KDM6B: variants seen among roughly 807,000 people sequenced by gnomAD.
KDM6B encodes lysine-specific demethylase 6B.
Under a neutral mutation model 150.4 loss-of-function variants are expected in KDM6B, and 22 were observed. That is an observed-to-expected ratio of 0.15 (90% CI 0.10 to 0.21). KDM6B has a LOEUF of 0.21. Among genes scored for constraint, KDM6B ranks in the 10% least tolerant of loss-of-function variants. KDM6B has a pLI of 1.00. For synonymous variants in KDM6B, 1,148 were observed against 921.1 expected (o/e 1.25, Z -4.46); for missense variants, 1,984 against 2,234.3 (o/e 0.89, Z 2.26).
At position 7,848,092 on chromosome 17, in the gene KDM6B, C is replaced by A; in HGVS notation, c.1804C>A (p.Leu602Met). The change falls in exon 12 of 24, where the codon CTG (leucine) becomes ATG (methionine). Residue 602 changes from leucine (L) to methionine (M), a missense_variant. Coordinates refer to ENST00000448097, the MANE Select transcript of KDM6B (RefSeq NM_001348716.2). ...CCCCCAGGACCCACCTCTTGTACCC[C>A]TGACTCTTGCCCTGCCTCCAGCCCC... ...QNPQDPPLVP[L>M]TLALPPAPPS... 1 of 1,612,940 alleles carries A rather than the reference C, an allele frequency of 6.2e-7. No individual in the cohort carries two copies. Among genetic ancestry groups the A allele is most frequent in the Non-Finnish European group, 8.5e-7 (1 of 1,179,736 alleles).
At position 7,844,880 on chromosome 17, in the gene KDM6B, G is replaced by C. The variant is rs888384888; in HGVS notation, c.-268-21G>C. 4.4e-5 allele frequency: 7 copies of C among 157,550 alleles called. No individual in the cohort carries two copies. The highest frequency in any genetic ancestry group is 7.1e-5 in the Non-Finnish European group (5 of 70,522). 9.8% of individuals were successfully genotyped at this position (157,550 alleles called of 1,614,324 possible). ...CGGCCACCGCTGCCGGGCTCACCTCGCTCCCATTGGTTCCGGCCAGGCTGT... is the reference window on the plus strand; with the variant it reads ...CGGCCACCGCTGCCGGGCTCACCTCCCTCCCATTGGTTCCGGCCAGGCTGT... On this transcript the variant is annotated intron_variant, in intron 2 of 23. Coordinates refer to ENST00000448097, the MANE Select transcript of KDM6B (RefSeq NM_001348716.2). This position sits in a 1 kb window ranked among gnomAD's most constrained non-coding sequence, Gnocchi z 5.9.
rs553761392 is a variant in KDM6B at position 7,854,091 on chromosome 17, C to T, written c.*570C>T. The T allele has an allele frequency of 2.0e-5, 3 of 151,818 alleles. No individual in the cohort carries two copies. The highest frequency in any genetic ancestry group is 2.0e-4 in the South Asian group (1 of 4,894). 9.4% of individuals were successfully genotyped at this position (151,818 alleles called of 1,614,324 possible). A position where few individuals can be genotyped will look rare whatever the true frequency, so the allele number is the denominator to read the frequency against. On this transcript the variant is annotated 3_prime_UTR_variant, in exon 24 of 24. Transcript: ENST00000448097. ...TTTTTGTTTTTAATTTATAACAGTC[C>T]CACTCACCTCTATTTATTCATTTTT... is the stretch of plus-strand genomic sequence containing the variant.
Position 7,845,990 on chromosome 17 carries a change from T to C in KDM6B, c.236+20T>C. On this transcript the variant is annotated intron_variant, in intron 6 of 23. Coordinates refer to ENST00000448097, the MANE Select transcript of KDM6B (RefSeq NM_001348716.2). ...TCCAGGGTGAGTGGATATTTGAAGG[T>C]TCTGGGAGTGGGAGGTAAGGCTGGG... The C allele has an allele frequency of 6.2e-7, 1 of 1,611,010 alleles. No homozygotes were observed. The highest frequency in any genetic ancestry group is 2.2e-5 in the East Asian group (1 of 44,834).
At chr17:7,839,447 C>T (rs1309349486) in intron 1 of KDM6B, among the ~76,000 whole-genome samples, 1 of 152,096 alleles carries the variant, frequency 6.6e-6, no homozygotes, top group Non-Finnish European at 1.5e-5. Flanking sequence ...CTGCACCCGC[C>T]TGGGGGAAGA....
Position 7,851,357 on chromosome 17 carries a change from T to C in KDM6B, c.3907T>C (p.Ser1303Pro), listed in dbSNP as rs1454400276. 5 of 1,613,842 alleles carry C rather than the reference T, an allele frequency of 3.1e-6. No homozygotes were observed. Among genetic ancestry groups the C allele is most frequent in the African/African-American group, 1.3e-5 (1 of 74,928 alleles). ...GGAGAAGGAGAGTGAGGATGAGGAG[T>C]CAGAGGAGCCAGACAGCACCACTGG... ...QEEKESEDEE[S>P]EEPDSTTGTP... The change falls in exon 16 of 24, where the codon TCA (serine) becomes CCA (proline). Residue 1303 changes from serine to proline, a missense_variant. Around this residue, in one of 13 missense-constraint regions of KDM6B, gnomAD observed 41 missense variants for 38.4 expected, o/e 1.07. Coordinates refer to ENST00000448097, the MANE Select transcript of KDM6B (RefSeq NM_001348716.2).
rs1399575898 is a variant in KDM6B, at chr17:7,844,511, C to G, written c.-268-390C>G. Reference sequence around the variant, plus strand: ...GCGCTCGGGGTAGGGAGGTCTGTCACTGGGCGAGGTGAAGTGAGGAAGGGG... The same window carrying G: ...GCGCTCGGGGTAGGGAGGTCTGTCAGTGGGCGAGGTGAAGTGAGGAAGGGG... On this transcript the variant is annotated intron_variant, in intron 2 of 23. Transcript: ENST00000448097. This position sits in a 1 kb window ranked among gnomAD's most constrained non-coding sequence, Gnocchi z 5.9. 1.3e-5 allele frequency among the ~76,000 whole-genome samples: 2 copies of G among 152,106 alleles called. No homozygotes were observed. Among genetic ancestry groups the G allele is most frequent in the South Asian group, 2.1e-4 (1 of 4,834 alleles).
intron 11 of KDM6B, 28 bp downstream of exon 11, chr17:7,847,480 G>T (rs891533859): frequency 6.2e-7 from 1 of 1,613,514 alleles, no homozygotes; most frequent in Non-Finnish European, 8.5e-7. Context: ...GTGGAGGGGG[G>T]GATGGGTGGA....
chr17:7,845,766 A>G (rs1057512699), intron 5 of KDM6B, 75 bp downstream of exon 5: 32 of 1,606,366 alleles, frequency 2.0e-5, no homozygotes, highest in Non-Finnish European at 2.7e-5. Context: ...GTCATTCTCC[A>G]TGGGTTCCTG....
At chr17:7,851,818 G>C (rs375649147) in intron 18 of KDM6B, 22 bp downstream of exon 18, 12 of 1,557,162 alleles carry the variant, frequency 7.7e-6, no homozygotes, top group South Asian at 7.0e-5. Flanking sequence ...GCCTGTGCGC[G>C]CTGATGCTGG....
Position 7,843,496 on chromosome 17 carries a change from A to G in KDM6B, c.-268-1405A>G, listed in dbSNP as rs1025892469. On this transcript the variant is annotated intron_variant, in intron 2 of 23. Coordinates refer to ENST00000448097, the MANE Select transcript of KDM6B (RefSeq NM_001348716.2). This position sits in a 1 kb window ranked among gnomAD's most constrained non-coding sequence, Gnocchi z 4.5. Reference sequence around the variant, plus strand: ...GGGTCCAAGCGCTTCCATGCAAACAAACGACCTTGCCCCTTCGGGAAGGAA... The same window carrying G: ...GGGTCCAAGCGCTTCCATGCAAACAGACGACCTTGCCCCTTCGGGAAGGAA... Among the ~76,000 whole-genome samples the G allele has an allele frequency of 5.3e-5, 8 of 152,178 alleles. No homozygotes were observed. Among genetic ancestry groups the G allele is most frequent in the Admixed American group, 4.6e-4 (7 of 15,286 alleles).
At chr17:7,834,681 G>C (rs7208787) in intron 1 of KDM6B, among the ~76,000 whole-genome samples, 25,450 of 151,564 alleles carry the variant, frequency 0.17, 2,571 homozygotes, top group African/African-American at 0.25. Context: ...CAGGACTAAA[G>C]GGCAGAGTTT....
At position 7,852,500 on chromosome 17, in the gene KDM6B, CAG is replaced by C. The variant is rs1388051037; in HGVS notation, c.4475_4476del (p.Gln1492LeufsTer12). On this transcript the variant is annotated frameshift_variant, in exon 21 of 24. Transcript: ENST00000448097. LOFTEE classifies it high-confidence loss of function. ...AWNVGPLTAY[Q>X]YQLALERYEW... ...TGATCGCCTTTGGCCCGCAGCCTATCAGTACCAGCTGGCCCTGGAACGATACG... is the reference window on the plus strand; with the variant it reads ...TGATCGCCTTTGGCCCGCAGCCTATCTACCAGCTGGCCCTGGAACGATACG... The C allele has an allele frequency of 6.2e-7, 1 of 1,609,284 alleles. No individual in the cohort carries two copies. The highest frequency in any genetic ancestry group is 1.7e-5 in the Admixed American group (1 of 59,282).
chr17:7,847,096 C>A lies in KDM6B; in HGVS notation c.910-9C>A, dbSNP rs570073127. 2 of 1,612,344 alleles carry A rather than the reference C, an allele frequency of 1.2e-6. No homozygotes were observed. The highest frequency in any genetic ancestry group is 2.2e-5 in the East Asian group (1 of 44,876). On this transcript the variant is annotated splice_polypyrimidine_tract_variant and intron_variant, in intron 10 of 23. Transcript: ENST00000448097. ...TTCCTCATCCTGCATCCCTGTTTAT[C>A]TCCTATAGGAGCAGCGGCACTCGCT... is the stretch of plus-strand genomic sequence containing the variant.
intron 14 of KDM6B, among the ~76,000 whole-genome samples, chr17:7,850,737 C>T (rs1204852746): frequency 2.0e-5 from 3 of 152,224 alleles, no homozygotes; most frequent in Non-Finnish European, 4.4e-5. Context: ...ATGTGTCTGT[C>T]AGGTGCGGTG....
At chr17:7,834,512 G>T (rs901788015) in intron 1 of KDM6B, among the ~76,000 whole-genome samples, 162 bp downstream of exon 1, 2 of 152,084 alleles carry the variant, frequency 1.3e-5, no homozygotes. Flanking sequence ...TCCCCTAGAA[G>T]AGAGAACGGC....
chr17:7,835,262 C>G (rs988366220), intron 1 of KDM6B, among the ~76,000 whole-genome samples: 1 of 152,076 alleles, frequency 6.6e-6, no homozygotes, highest in Non-Finnish European at 1.5e-5. Flanking sequence ...GGGGTGGTTG[C>G]TAAGCGACGT....
At position 7,847,142 on chromosome 17, in the gene KDM6B, C is replaced by T. The variant is rs779498934; in HGVS notation, c.947C>T (p.Pro316Leu). The change falls in exon 11 of 24, where the codon CCA (proline) becomes CTA (leucine). Residue 316 changes from proline (P) to leucine (L), a missense_variant. Pro to Leu is a moderately conservative substitution (Grantham distance 98, BLOSUM62 -3). Coordinates refer to ENST00000448097, the MANE Select transcript of KDM6B (RefSeq NM_001348716.2). ...TCGCTGCCTCACCCATATCCATACCCAGCTCCAGCGTACACCGCGCACCCC... is the reference window on the plus strand; with the variant it reads ...TCGCTGCCTCACCCATATCCATACCTAGCTCCAGCGTACACCGCGCACCCC... Reference protein sequence around the residue: ...RHSLPHPYPYPAPAYTAHPPG... With the variant: ...RHSLPHPYPYLAPAYTAHPPG... 16 of 1,609,768 alleles carry T rather than the reference C, an allele frequency of 9.9e-6. No homozygotes were observed. In the East Asian group the frequency reaches 2.0e-4, roughly 20 times the overall value.
In KDM6B at chr17:7,849,963, G is replaced by C. The variant is rs768567650; in HGVS notation, c.3567+16G>C. On this transcript the variant is annotated intron_variant, in intron 13 of 23. Transcript: ENST00000448097. The stretch of plus-strand genomic sequence containing the variant: ...CAGCATCTATGTATGTGTGCCACTT[G>C]GCCTCAGAACCACCCCTGCCAGAGG... The C allele has an allele frequency of 3.1e-6, 5 of 1,613,594 alleles. No homozygotes were observed. The highest frequency in any genetic ancestry group is 3.3e-5 in the Admixed American group (2 of 60,026).
rs1313831776 is a variant in KDM6B at position 7,853,046 on chromosome 17, A to G, written c.4657A>G (p.Ser1553Gly). ...SMKHCQVQRESLVRAGKKIAY... is the reference protein window; with the variant it reads ...SMKHCQVQREGLVRAGKKIAY... ...GAAGCACTGCCAGGTGCAACGCGAG[A>G]GCCTGGTGCGGGCAGGGAAGAAAAT... The change falls in exon 22 of 24, where the codon AGC becomes GGC. Residue 1553 changes from serine to glycine, a missense_variant. Ser to Gly is a moderately conservative substitution (Grantham distance 56). Transcript: ENST00000448097. 6.2e-7 allele frequency: 1 copy of G among 1,614,044 alleles called. No individual in the cohort carries two copies. The highest frequency in any genetic ancestry group is 8.5e-7 in the Non-Finnish European group (1 of 1,180,006).
Sources: allele counts gnomAD v4.1 joint callset (sites outside exome capture counted in the v4.1 genomes callset), GRCh38; gene constraint gnomAD v4.1.1; regional missense constraint gnomAD v4.1.1; non-coding constraint Gnocchi (gnomAD v3.1); transcripts MANE v1.5; gene names NCBI Gene and HGNC (gene_info 2026-07-23, HGNC 2026-07-21).